ESYT2: variants seen among roughly 807,000 people sequenced by gnomAD.
ESYT2 encodes the protein extended synaptotagmin-2.
A neutral mutation model predicts 107.2 loss-of-function variants in ESYT2; 54 were observed. That is an observed-to-expected ratio of 0.50 (90% CI 0.40 to 0.63). The LOEUF is 0.63. ESYT2 is among the 30% of genes least tolerant of loss of function. The pLI, the probability that ESYT2 is intolerant of heterozygous loss-of-function variation, is 0.00. For synonymous variants in ESYT2, 491 were observed against 434.1 expected, an observed-to-expected ratio of 1.13 and a Z score of -1.63; for missense variants, 1,020 against 1,094.5, an observed-to-expected ratio of 0.93 and a Z score of 0.96.
intron 1 of ESYT2, among the ~76,000 whole-genome samples, chr7:158,818,529 G>C (rs867330228): frequency 6.6e-6 from 1 of 152,194 alleles, no homozygotes; most frequent in Non-Finnish European, 1.5e-5. Flanking sequence ...CAGCAGAGGT[G>C]GGGGAGGGAG....
intron 1 of ESYT2, among the ~76,000 whole-genome samples, chr7:158,815,789 C>G: frequency 6.6e-6 from 1 of 152,176 alleles, no homozygotes; most frequent in Non-Finnish European, 1.5e-5. Context: ...GTATTGAATC[C>G]AAGATGTGAT....
At chr7:158,744,579 T>G (rs9638139) in intron 16 of ESYT2, among the ~76,000 whole-genome samples, 36,042 of 152,092 alleles carry the variant, frequency 0.24, 5,152 homozygotes, top group East Asian at 0.59. Flanking sequence ...GCCCAGGCTG[T>G]TCTCAAACTC....
intron 18 of ESYT2, 126 bp from the exon 19 acceptor site, chr7:158,739,247 A>C (rs1360743957): frequency 1.4e-6 from 1 of 732,258 alleles, no homozygotes; most frequent in Admixed American, 3.1e-5. Flanking sequence ...ATTACCCATG[A>C]ACTTAAACAT....
Position 158,789,133 on chromosome 7 carries a change from G to A in ESYT2, c.585-716C>T, listed in dbSNP as rs1456478097. Reference sequence around the variant, plus strand: ...CCTACCTGACAATGTTTGTTGGTAAGTTTGATAAATGCTAGAAAGGGAATG... The same window carrying A: ...CCTACCTGACAATGTTTGTTGGTAAATTTGATAAATGCTAGAAAGGGAATG... On this transcript the variant is annotated intron_variant, in intron 4 of 22. Coordinates refer to ENST00000275418, the MANE Select transcript of ESYT2 (RefSeq NM_001367773.1). Among the ~76,000 whole-genome samples, 3 of 152,160 alleles carry A rather than the reference G, an allele frequency of 2.0e-5. No homozygotes were observed. In the East Asian group the frequency reaches 5.8e-4, roughly 29 times the overall value.
At chr7:158,797,062 G>A (rs2129473519) in intron 3 of ESYT2, among the ~76,000 whole-genome samples, 1 of 8,084 alleles carries the variant, frequency 1.2e-4, no homozygotes, top group East Asian at 2.3e-3. Flanking sequence ...ACAGAGACGG[G>A]AAAAGGCACC....
At chr7:158,759,376 CACA>C (rs1200265837) in intron 13 of ESYT2, 107 bp downstream of exon 13, 4 of 832,864 alleles carry the variant, frequency 4.8e-6, no homozygotes, top group Non-Finnish European at 7.4e-6. Context: ...GAAGTGAAAA[CACA>C]ACAAGAAGAG....
chr7:158,778,794 G>A (rs1838661195), intron 6 of ESYT2, among the ~76,000 whole-genome samples: 1 of 150,752 alleles, frequency 6.6e-6, no homozygotes. Flanking sequence ...TTTATATCGT[G>A]TATAAAGGTG....
chr7:158,760,605 G>C lies in ESYT2; in HGVS notation c.1234-458C>G, dbSNP rs201388344. 8.5e-5 allele frequency among the ~76,000 whole-genome samples: 13 copies of C among 152,308 alleles called. No homozygotes were observed. In the South Asian group the frequency reaches 1.0e-3, roughly 12 times the overall value. On this transcript the variant is annotated intron_variant, in intron 11 of 22. Coordinates refer to ENST00000275418, the MANE Select transcript of ESYT2 (RefSeq NM_001367773.1). ...CCAGCAGCTGGGACCACAGGTGTAGGCAAGCATGCTCCACCAAATGGCCTT... is the reference window on the plus strand; with the variant it reads ...CCAGCAGCTGGGACCACAGGTGTAGCCAAGCATGCTCCACCAAATGGCCTT...
chr7:158,812,693 C>T (rs1046156665), intron 1 of ESYT2, among the ~76,000 whole-genome samples: 2 of 152,186 alleles, frequency 1.3e-5, no homozygotes, highest in African/African-American at 4.8e-5. Flanking sequence ...GGAAACAACC[C>T]GAATGGCCAT....
At chr7:158,827,112 G>A (rs1840478528) in intron 1 of ESYT2, among the ~76,000 whole-genome samples, 1 of 148,810 alleles carries the variant, frequency 6.7e-6, no homozygotes, top group South Asian at 2.1e-4. Context: ...GTAGTGAGCC[G>A]AGATCACGCC....
At chr7:158,801,700 A>G (rs1328957055) in intron 1 of ESYT2, among the ~76,000 whole-genome samples, 1 of 152,158 alleles carries the variant, frequency 6.6e-6, no homozygotes, top group African/African-American at 2.4e-5. Context: ...CAATATTTAT[A>G]TTATCTGTAT....
chr7:158,761,445 C>A, intron 11 of ESYT2, 51 bp downstream of exon 11: 1 of 1,569,336 alleles, frequency 6.4e-7, no homozygotes, highest in Non-Finnish European at 8.8e-7. Flanking sequence ...TGGCACAGGG[C>A]AGGGACTCAG....
chr7:158,815,055 G>A (rs1332108681), intron 1 of ESYT2, among the ~76,000 whole-genome samples: 2 of 152,180 alleles, frequency 1.3e-5, no homozygotes, highest in Non-Finnish European at 2.9e-5. Flanking sequence ...CAAAGGTGGC[G>A]GGTTAGCTGT....
chr7:158,799,204 A>C, intron 1 of ESYT2, 132 bp from the exon 2 acceptor site: 3 of 783,356 alleles, frequency 3.8e-6, no homozygotes, highest in South Asian at 3.6e-5. Flanking sequence ...TCTGCTCTAA[A>C]GCTTGGGAAA....
intron 1 of ESYT2, among the ~76,000 whole-genome samples, chr7:158,808,030 G>C (rs1013177928): frequency 6.6e-6 from 1 of 152,152 alleles, no homozygotes; most frequent in Non-Finnish European, 1.5e-5. Context: ...AAAAATGTCT[G>C]CCAAACATTC....
rs183660053 is a variant in ESYT2, at chr7:158,823,413, G to A, written c.330+5676C>T. ...GCGATCTCGGCTCACTGCAAGCTCC[G>A]CCTCCCAGTTTCATGCCATTCTCCT... is the stretch of plus-strand genomic sequence containing the variant. On this transcript the variant is annotated intron_variant, in intron 1 of 22. Transcript: ENST00000275418. 1.1e-4 allele frequency among the ~76,000 whole-genome samples: 15 copies of A among 137,772 alleles called. 1 individual carries two copies. In the East Asian group the frequency reaches 2.5e-3, roughly 23 times the overall value. 90.4% of individuals were successfully genotyped at this position (137,772 alleles called of 152,430 possible).
In ESYT2 at chr7:158,748,939, C is replaced by A. The variant is rs113820343; in HGVS notation, c.1558-659G>T. ...ACATATTACAGCAATATGTAATAGC[C>A]ATACCCTCTTTTCAAGTCGTAATTC... On this transcript the variant is annotated intron_variant, in intron 15 of 22. Transcript: ENST00000275418. 5.0e-3 allele frequency among the ~76,000 whole-genome samples: 767 copies of A among 151,926 alleles called. 4 individuals carry two copies. Among genetic ancestry groups the A allele is most frequent in the African/African-American group, 0.018 (736 of 41,394 alleles).
At chr7:158,740,250 C>A (rs1030117318) in intron 18 of ESYT2, among the ~76,000 whole-genome samples, 12 of 152,222 alleles carry the variant, frequency 7.9e-5, no homozygotes, top group Non-Finnish European at 1.6e-4. Context: ...ACGCGTGCTC[C>A]GCACAAGCTC....
chr7:158,778,491 G>A (rs913221045), intron 6 of ESYT2, among the ~76,000 whole-genome samples: 9 of 151,350 alleles, frequency 5.9e-5, no homozygotes, highest in Non-Finnish European at 1.2e-4. Context: ...GTAACTAGTT[G>A]CAGGCTATTA....
Sources: gnomAD v4.1 joint callset for allele counts (sites outside exome capture counted in the v4.1 genomes callset) on GRCh38, gnomAD v4.1.1 for gene constraint, MANE v1.5 for transcripts, NCBI Gene and HGNC (gene_info 2026-07-23, HGNC 2026-07-21) for gene names.